The following DCC variants were observed in gnomAD, a reference collection of about 807,000 sequenced individuals.
DCC encodes netrin receptor DCC.
Under a neutral mutation model 172.5 loss-of-function variants are expected in DCC, and 58 were observed. The ratio of observed to expected loss-of-function variants is 0.34; its 90% CI spans 0.27 to 0.42. The LOEUF (loss-of-function observed/expected upper bound fraction) is 0.42, where lower values mean the gene tolerates loss of function less well. Ranked by LOEUF, DCC falls within the 10% of genes least tolerant of loss-of-function variation. DCC has a pLI of 1.00. For missense variants in DCC, 1,740 were observed against 1,791.0 expected, an observed-to-expected ratio of 0.97 and a Z score of 0.51; for synonymous variants, 709 against 644.5, an observed-to-expected ratio of 1.10 and a Z score of -1.52.
intron 20 of DCC, among the ~76,000 whole-genome samples, chr18:53,410,976 G>A (rs988900711): frequency 1.3e-5 from 2 of 151,978 alleles, no homozygotes; most frequent in Non-Finnish European, 2.9e-5. Context: ...AAAATGTATT[G>A]AATTATGTGA....
At chr18:53,236,469 G>A (rs981106600) in intron 12 of DCC, among the ~76,000 whole-genome samples, 3 of 151,920 alleles carry the variant, frequency 2.0e-5, no homozygotes, top group African/African-American at 7.2e-5. Context: ...TTATATTTTG[G>A]TATTGTTAAC....
At chr18:53,117,392 A>C (rs2043423688) in intron 7 of DCC, among the ~76,000 whole-genome samples, 1 of 151,762 alleles carries the variant, frequency 6.6e-6, no homozygotes, top group Admixed American at 6.6e-5. Context: ...GACAGAAGGA[A>C]GCTTCAGAAT....
chr18:52,962,770 C>A (rs1049988617), intron 5 of DCC, among the ~76,000 whole-genome samples: 19 of 152,050 alleles, frequency 1.2e-4, no homozygotes, highest in African/African-American at 4.1e-4. Context: ...GAATACTATG[C>A]AGCCATAAAA....
chr18:52,688,645 T>C (rs1345508273), intron 1 of DCC, among the ~76,000 whole-genome samples: 1 of 151,970 alleles, frequency 6.6e-6, no homozygotes, highest in Non-Finnish European at 1.5e-5. Flanking sequence ...CCCTTGTCAC[T>C]AAAATAAACA....
chr18:53,345,924 T>A (rs1246287222), intron 15 of DCC, among the ~76,000 whole-genome samples: 1 of 152,062 alleles, frequency 6.6e-6, no homozygotes, highest in Non-Finnish European at 1.5e-5. Context: ...AGATTGCTTT[T>A]TTGTGTCCCT....
chr18:53,263,612 G>C (rs1247828949), intron 12 of DCC, among the ~76,000 whole-genome samples: 1 of 152,068 alleles, frequency 6.6e-6, no homozygotes, highest in Admixed American at 6.6e-5. Flanking sequence ...TCTAAAATAA[G>C]GATGCTTGAA....
At chr18:53,326,571 G>A (rs1028401767) in intron 14 of DCC, among the ~76,000 whole-genome samples, 2 of 152,136 alleles carry the variant, frequency 1.3e-5, no homozygotes, top group Non-Finnish European at 2.9e-5. Flanking sequence ...AGTGGTCACT[G>A]GTAGGTACAA....
intron 2 of DCC, among the ~76,000 whole-genome samples, chr18:52,867,054 A>G (rs2039239723): frequency 6.6e-6 from 1 of 152,176 alleles, no homozygotes. Context: ...GATACATTCC[A>G]TCAATACCTA....
chr18:53,336,850 TG>T (rs1157669057), intron 14 of DCC, among the ~76,000 whole-genome samples: 8 of 152,230 alleles, frequency 5.3e-5, no homozygotes, highest in African/African-American at 1.9e-4. Flanking sequence ...CAATCCAGCC[TG>T]GGAGATAGAA....
chr18:53,496,283 G>A (rs2046022713), intron 26 of DCC, among the ~76,000 whole-genome samples: 1 of 152,136 alleles, frequency 6.6e-6, no homozygotes, highest in African/African-American at 2.4e-5. Flanking sequence ...CTGTCCTGCA[G>A]CCTCCACTGG....
At chr18:53,199,049 T>A (rs1425824487) in intron 9 of DCC, among the ~76,000 whole-genome samples, 1 of 151,276 alleles carries the variant, frequency 6.6e-6, no homozygotes, top group African/African-American at 2.4e-5. Flanking sequence ...TCACATCTAA[T>A]TCCCATTGTT....
chr18:53,380,804 T>C (rs1907667413), intron 15 of DCC, among the ~76,000 whole-genome samples: 1 of 152,190 alleles, frequency 6.6e-6, no homozygotes, highest in African/African-American at 2.4e-5. Context: ...TGGGATATTC[T>C]TATACCAGTT....
intron 15 of DCC, among the ~76,000 whole-genome samples, chr18:53,351,440 A>AGT (rs1568075379): frequency 6.9e-5 from 3 of 43,774 alleles, no homozygotes; most frequent in East Asian, 5.7e-4. Context: ...ATATATATAC[A>AGT]GTGTATATAT....
chr18:52,409,030 G>A (rs1172161938), intron 1 of DCC: 1 of 152,088 alleles, frequency 6.6e-6, no homozygotes, highest in Non-Finnish European at 1.5e-5. Flanking sequence ...AGACAATCCT[G>A]AGTTCTCATC....
chr18:52,987,779 T>C (rs1002338657), intron 5 of DCC, among the ~76,000 whole-genome samples: 2 of 152,196 alleles, frequency 1.3e-5, no homozygotes, highest in Non-Finnish European at 2.9e-5. Flanking sequence ...TTATTCTCAG[T>C]GTTGCTCCTG....
chr18:53,020,269 A>G (rs2041861779), intron 5 of DCC, among the ~76,000 whole-genome samples: 1 of 152,194 alleles, frequency 6.6e-6, no homozygotes, highest in African/African-American at 2.4e-5. Context: ...TTGGCCATAG[A>G]TCATCTTGTT....
At chr18:52,816,521 T>C (rs2038299627) in intron 2 of DCC, 1 of 150,984 alleles carries the variant, frequency 6.6e-6, no homozygotes, top group Non-Finnish European at 1.5e-5. Flanking sequence ...ACTTTTGTTT[T>C]CCTGTTTTAA....
chr18:53,205,582 G>T (rs1311333550), intron 10 of DCC, among the ~76,000 whole-genome samples: 2 of 152,210 alleles, frequency 1.3e-5, no homozygotes, highest in South Asian at 4.1e-4. Flanking sequence ...GGGCAATAAA[G>T]TGAAGTCAAT....
chr18:52,363,532 G>C (rs1984711353), intron 1 of DCC, among the ~76,000 whole-genome samples: 1 of 152,104 alleles, frequency 6.6e-6, no homozygotes, highest in Admixed American at 6.6e-5. Context: ...GACTCAGAAG[G>C]CTTTATCACT....
Sources: gnomAD v4.1 joint callset for allele counts (sites outside exome capture counted in the v4.1 genomes callset) on GRCh38, gnomAD v4.1.1 for gene constraint, MANE v1.5 for transcripts, NCBI Gene and HGNC (gene_info 2026-07-23, HGNC 2026-07-21) for gene names.